The following POGZ variants were observed in gnomAD, a reference collection of about 807,000 sequenced individuals.
POGZ encodes pogo transposable element derived with ZNF domain.
Under a neutral mutation model 134.6 loss-of-function variants are expected in POGZ, and 17 were observed. The observed-to-expected ratio is 0.13, with a 90% CI of 0.09 to 0.19. POGZ has a LOEUF of 0.19. Ranked by LOEUF, POGZ falls within the 10% of genes least tolerant of loss-of-function variation. POGZ has a pLI of 1.00. For synonymous variants in POGZ, 693 were observed against 657.1 expected, an observed-to-expected ratio of 1.05 and a Z score of -0.84; for missense variants, 1,306 against 1,769.7, an observed-to-expected ratio of 0.74 and a Z score of 4.70.
intron 3 of POGZ, among the ~76,000 whole-genome samples, chr1:151,434,300 C>G (rs2102327334): frequency 6.6e-6 from 1 of 152,188 alleles, no homozygotes; most frequent in South Asian, 2.1e-4. Context: ...GTGTGAGTCT[C>G]AGTCTCAAAA....
At position 151,404,378 on chromosome 1, in the gene POGZ, A is replaced by G. The variant is rs1653199479; in HGVS notation, c.*424T>C. 2 of 987,814 alleles carry G rather than the reference A, an allele frequency of 2.0e-6. No homozygotes were observed. The highest frequency in any genetic ancestry group is 2.4e-6 in the Non-Finnish European group (2 of 830,104). The allele number at this position is 987,814 out of a possible 1,614,324, so 61.2% of individuals were successfully genotyped here. A position where few individuals can be genotyped will look rare whatever the true frequency, so the allele number is the denominator to read the frequency against. On this transcript the variant is annotated 3_prime_UTR_variant, in exon 19 of 19. Coordinates refer to ENST00000271715, the MANE Select transcript of POGZ (RefSeq NM_015100.4). Reference sequence around the variant, plus strand: ...TGATTAGATAGCATCATGCCCAAAGACATTGGCCACACAATAAAACAAACA... The same window carrying G: ...TGATTAGATAGCATCATGCCCAAAGGCATTGGCCACACAATAAAACAAACA...
intron 1 of POGZ, among the ~76,000 whole-genome samples, chr1:151,448,498 A>G (rs747352381): frequency 6.6e-6 from 1 of 152,154 alleles, no homozygotes; most frequent in Non-Finnish European, 1.5e-5. Context: ...AGAAAAATAT[A>G]ATCAAACAAT....
At position 151,404,737 on chromosome 1, in the gene POGZ, TAAGCCCCTTTA is replaced by T; in HGVS notation, c.*54_*64del. On this transcript the variant is annotated 3_prime_UTR_variant, in exon 19 of 19. Transcript: ENST00000271715. ...CCCACCTGGTATGCCCCCTTTTCCC[TAAGCCCCTTTA>T]CCCTCCCTCACATGTTCCCACCCTC... 6.6e-7 allele frequency: 1 copy of T among 1,509,500 alleles called. No individual in the cohort carries two copies. The highest frequency in any genetic ancestry group is 1.4e-5 in the South Asian group (1 of 72,344). 93.5% of individuals were successfully genotyped at this position (1,509,500 alleles called of 1,614,324 possible).
intron 3 of POGZ, among the ~76,000 whole-genome samples, chr1:151,436,201 G>A (rs12071063): frequency 0.038 from 5,777 of 152,006 alleles, 389 homozygotes; most frequent in African/African-American, 0.13. Context: ...CAGGTGATCC[G>A]CCTGCCTTGG....
chr1:151,403,920 T>C lies in POGZ; in HGVS notation c.*882A>G, dbSNP rs1653133355. On this transcript the variant is annotated 3_prime_UTR_variant, in exon 19 of 19. Transcript: ENST00000271715. The stretch of plus-strand genomic sequence containing the variant: ...GAATGGCTTCCACCCTAAAACTGTT[T>C]GATCGCTTCAGTATCTCTTGCTTGC... 2.0e-6 allele frequency: 2 copies of C among 985,336 alleles called. No homozygotes were observed. The highest frequency in any genetic ancestry group is 1.1e-4 in the East Asian group (1 of 8,828). The allele number at this position is 985,336 out of a possible 1,614,324, so 61.0% of individuals were successfully genotyped here. A position where few individuals can be genotyped will look rare whatever the true frequency, so the allele number is the denominator to read the frequency against.
intron 12 of POGZ, among the ~76,000 whole-genome samples, chr1:151,410,138 C>T (rs188049691): frequency 6.6e-6 from 1 of 152,364 alleles, no homozygotes; most frequent in East Asian, 1.9e-4. Context: ...TCACTCTCCT[C>T]TAGTGGCTCT....
At chr1:151,425,203 GTTTTTGTTT>G (rs1319423005) in intron 7 of POGZ, 142 bp from the exon 8 acceptor site, 1 of 553,694 alleles carries the variant, frequency 1.8e-6, no homozygotes, top group Non-Finnish European at 3.4e-6. Context: ...GTTTTTGTTT[GTTTTTGTTT>G]TTTTTGAGAC....
chr1:151,415,031 G>A (rs768663499), intron 10 of POGZ, among the ~76,000 whole-genome samples: 6 of 152,114 alleles, frequency 3.9e-5, no homozygotes, highest in Non-Finnish European at 7.4e-5. Context: ...GAGGAAATAG[G>A]CATGAACAAC....
intron 10 of POGZ, among the ~76,000 whole-genome samples, chr1:151,419,024 CAAAAAAAAAAAAA>C (rs71090164): frequency 1.9e-5 from 1 of 52,162 alleles, no homozygotes; most frequent in African/African-American, 6.7e-5. Flanking sequence ...AGCTCTGTCT[CAAAAAAAAAAAAA>C]AAAAAAAAAG....
At chr1:151,440,798 T>C in intron 3 of POGZ, 130 bp downstream of exon 3, 1 of 695,232 alleles carries the variant, frequency 1.4e-6, no homozygotes, top group Non-Finnish European at 2.4e-6. Context: ...AGAGAATCAT[T>C]ACTAAATTCA....
rs71090164 is a variant in POGZ at position 151,419,024 on chromosome 1, CA to C, written c.1678+4372del. On this transcript the variant is annotated intron_variant, in intron 10 of 18. Coordinates refer to ENST00000271715, the MANE Select transcript of POGZ (RefSeq NM_015100.4). ...TGGGTGAAAGAATGAAGCTCTGTCT[CA>C]AAAAAAAAAAAAAAAAAAAAAGAAA... 8.0e-3 allele frequency among the ~76,000 whole-genome samples: 417 copies of C among 52,160 alleles called. 1 individual carries two copies. Among genetic ancestry groups the C allele is most frequent in the Non-Finnish European group, 0.012 (304 of 25,418 alleles). The allele number at this position is 52,160 out of a possible 152,430, so 34.2% of individuals were successfully genotyped here.
chr1:151,403,574 TG>T lies in POGZ; in HGVS notation c.*1227del. ...TACATACAATTAAAAAAATCCCTCATGCAAATTGTAGAAAAAATTTTCTTTC... is the reference window on the plus strand; with the variant it reads ...TACATACAATTAAAAAAATCCCTCATCAAATTGTAGAAAAAATTTTCTTTC... On this transcript the variant is annotated 3_prime_UTR_variant, in exon 19 of 19. Transcript: ENST00000271715. 1.0e-6 allele frequency: 1 copy of T among 985,802 alleles called. No homozygotes were observed. Among genetic ancestry groups the T allele is most frequent in the Non-Finnish European group, 1.2e-6 (1 of 829,890 alleles). 61.1% of individuals were successfully genotyped at this position (985,802 alleles called of 1,614,324 possible). A position where few individuals can be genotyped will look rare whatever the true frequency, so the allele number is the denominator to read the frequency against.
At chr1:151,452,778 C>T (rs1035607794) in intron 1 of POGZ, among the ~76,000 whole-genome samples, 25 of 151,106 alleles carry the variant, frequency 1.7e-4, no homozygotes, top group Non-Finnish European at 3.2e-4. Context: ...GCAGGATAAT[C>T]GCTTGAATTC....
intron 1 of POGZ, among the ~76,000 whole-genome samples, chr1:151,453,677 A>T (rs1171178625): frequency 6.6e-6 from 1 of 152,198 alleles, no homozygotes; most frequent in Non-Finnish European, 1.5e-5. Flanking sequence ...CTGCAGGCTC[A>T]CACAGAACTA....
At chr1:151,443,105 G>A (rs1000651624) in intron 1 of POGZ, among the ~76,000 whole-genome samples, 3 of 152,218 alleles carry the variant, frequency 2.0e-5, no homozygotes, top group African/African-American at 7.2e-5. Flanking sequence ...GGTGAGTCAA[G>A]CAAGTGCAGG....
At chr1:151,436,651 G>A (rs1181092156) in intron 3 of POGZ, among the ~76,000 whole-genome samples, 6 of 152,032 alleles carry the variant, frequency 3.9e-5, no homozygotes, top group Non-Finnish European at 8.8e-5. Context: ...ATGTTTTCAA[G>A]GTTCATCTAT....
intron 1 of POGZ, among the ~76,000 whole-genome samples, chr1:151,447,613 G>A (rs983611212): frequency 8.0e-5 from 12 of 150,222 alleles, no homozygotes; most frequent in African/African-American, 2.7e-4. Flanking sequence ...CTAACTCTTG[G>A]GATAACCAAG....
chr1:151,407,083 A>G, intron 16 of POGZ, 60 bp from the exon 17 acceptor site: 1 of 1,396,576 alleles, frequency 7.2e-7, no homozygotes, highest in Non-Finnish European at 1.0e-6. Context: ...GAGACCATTA[A>G]GCTTTGAGGC....
intron 1 of POGZ, among the ~76,000 whole-genome samples, chr1:151,458,868 G>T (rs977274894): frequency 4.8e-5 from 7 of 145,372 alleles, no homozygotes; most frequent in African/African-American, 1.7e-4. Context: ...CAGCCGGCAG[G>T]CAGGGACCTC....
Sources: allele counts gnomAD v4.1 joint callset (sites outside exome capture counted in the v4.1 genomes callset), GRCh38; gene constraint gnomAD v4.1.1; transcripts MANE v1.5; gene names NCBI Gene and HGNC (gene_info 2026-07-23, HGNC 2026-07-21).